TTPA: variants seen among roughly 807,000 people sequenced by gnomAD.
The protein encoded by TTPA is alpha-tocopherol transfer protein.
TTPA carries 23 observed loss-of-function variants against 25.9 expected under a neutral mutation model. The ratio of observed to expected loss-of-function variants is 0.89; its 90% CI spans 0.64 to 1.26. The LOEUF is 1.26. TTPA is among the 50% of genes most tolerant of loss of function. The pLI, the probability that TTPA is intolerant of heterozygous loss-of-function variation, is 0.00. For synonymous variants in TTPA, 148 were observed against 137.3 expected (o/e 1.08, Z -0.54); for missense variants, 337 against 353.1 (o/e 0.95, Z 0.37).
intron 1 of TTPA, among the ~76,000 whole-genome samples, chr8:63,079,011 G>A (rs184524317): frequency 6.2e-4 from 94 of 152,306 alleles, no homozygotes; most frequent in African/African-American, 2.1e-3. Context: ...CTACAAACCA[G>A]AAGAGAGTAG....
At chr8:63,067,444 A>C (rs1429029668) in intron 2 of TTPA, among the ~76,000 whole-genome samples, 3 of 149,410 alleles carry the variant, frequency 2.0e-5, no homozygotes, top group Non-Finnish European at 3.0e-5. Flanking sequence ...AAGTTCTCCA[A>C]AGCTGAAAAA....
intron 1 of TTPA, among the ~76,000 whole-genome samples, chr8:63,077,799 G>T (rs1215804903): frequency 6.6e-6 from 1 of 152,212 alleles, no homozygotes; most frequent in Non-Finnish European, 1.5e-5. Context: ...CAGTTCTGAA[G>T]AGCACAGTGG....
intron 1 of TTPA, 139 bp from the exon 2 acceptor site, chr8:63,073,227 G>T: frequency 1.4e-6 from 1 of 723,356 alleles, no homozygotes; most frequent in Non-Finnish European, 2.3e-6. Context: ...CTTTTCAGCT[G>T]TGAAAACTGA....
In TTPA at chr8:63,080,731, A is replaced by AT. The variant is rs201057814; in HGVS notation, c.204+5086_204+5087insA. Among the ~76,000 whole-genome samples the AT allele has an allele frequency of 5.2e-3, 733 of 141,412 alleles. 4 individuals carry two copies. The highest frequency in any genetic ancestry group is 0.019 in the African/African-American group (666 of 34,476). 92.8% of individuals were successfully genotyped at this position (141,412 alleles called of 152,430 possible). A position where few individuals can be genotyped will look rare whatever the true frequency, so the allele number is the denominator to read the frequency against. On this transcript the variant is annotated intron_variant, in intron 1 of 4. Coordinates refer to ENST00000260116, the MANE Select transcript of TTPA (RefSeq NM_000370.3). ...CGAGACTCCGTATCAAAAAAAAAAA[A>AT]AAAATAAATAATAATAATAATAAAG... is the stretch of plus-strand genomic sequence containing the variant.
chr8:63,069,082 G>C (rs921798747), intron 2 of TTPA, among the ~76,000 whole-genome samples: 1 of 152,022 alleles, frequency 6.6e-6, no homozygotes, highest in Non-Finnish European at 1.5e-5. Context: ...TTGAACTCGG[G>C]AGGCAGAGGT....
rs1315086860 is a variant in TTPA at position 63,060,965 on chromosome 8, A to C, written c.*287T>G. 3.3e-6 allele frequency: 1 copy of C among 302,726 alleles called. No individual in the cohort carries two copies. The highest frequency in any genetic ancestry group is 6.3e-6 in the Non-Finnish European group (1 of 158,140). 18.8% of individuals were successfully genotyped at this position (302,726 alleles called of 1,614,324 possible). On this transcript the variant is annotated 3_prime_UTR_variant, in exon 5 of 5. Transcript: ENST00000260116. Reference sequence around the variant, plus strand: ...GAAACATACAAAGATGCACATGAGCAGCTACTTTAGCAATAACTTTCATGT... The same window carrying C: ...GAAACATACAAAGATGCACATGAGCCGCTACTTTAGCAATAACTTTCATGT...
At chr8:63,079,023 G>T (rs986728653) in intron 1 of TTPA, among the ~76,000 whole-genome samples, 44 of 152,228 alleles carry the variant, frequency 2.9e-4, no homozygotes, top group African/African-American at 9.9e-4. Context: ...AGAGAGTAGG[G>T]GGCCAACATT....
chr8:63,072,482 C>A (rs899455184), intron 2 of TTPA, among the ~76,000 whole-genome samples: 2 of 152,186 alleles, frequency 1.3e-5, no homozygotes, highest in African/African-American at 4.8e-5. Flanking sequence ...AGGTTGGTCT[C>A]GAACTCCTGA....
chr8:63,080,519 A>G, intron 1 of TTPA, among the ~76,000 whole-genome samples: 1 of 152,078 alleles, frequency 6.6e-6, no homozygotes. Context: ...CGGGAGATCA[A>G]GACCATCCTA....
chr8:63,064,182 C>T (rs768100050), intron 4 of TTPA, 24 bp downstream of exon 4: 2 of 1,538,538 alleles, frequency 1.3e-6, no homozygotes, highest in Admixed American at 1.7e-5. Flanking sequence ...TAGAGGAACA[C>T]AGACTTGAAT....
chr8:63,075,195 T>C (rs908463620), intron 1 of TTPA, among the ~76,000 whole-genome samples: 3 of 152,200 alleles, frequency 2.0e-5, no homozygotes, highest in African/African-American at 4.8e-5. Context: ...ATATTCATCA[T>C]TGGAAGGTGT....
At chr8:63,073,836 G>T (rs1232277956) in intron 1 of TTPA, among the ~76,000 whole-genome samples, 1 of 152,158 alleles carries the variant, frequency 6.6e-6, no homozygotes, top group Non-Finnish European at 1.5e-5. Context: ...GAGCCCAGGA[G>T]CAGTATACTT....
At chr8:63,076,338 C>T (rs1019762379) in intron 1 of TTPA, among the ~76,000 whole-genome samples, 3 of 148,906 alleles carry the variant, frequency 2.0e-5, no homozygotes, top group Non-Finnish European at 4.4e-5. Flanking sequence ...GACTGAGGCA[C>T]TTATCAAGCT....
intron 2 of TTPA, among the ~76,000 whole-genome samples, chr8:63,069,772 A>G (rs1309816292): frequency 6.6e-6 from 1 of 151,930 alleles, no homozygotes; most frequent in Non-Finnish European, 1.5e-5. Flanking sequence ...TAGTTGCAGT[A>G]GTCACATTTC....
chr8:63,084,648 G>A (rs1050857889), intron 1 of TTPA, among the ~76,000 whole-genome samples: 1 of 152,158 alleles, frequency 6.6e-6, no homozygotes, highest in African/African-American at 2.4e-5. Flanking sequence ...TGTTTAAAAA[G>A]ATAAATGAGT....
At chr8:63,068,616 TGAA>T (rs1284909871) in intron 2 of TTPA, among the ~76,000 whole-genome samples, 1 of 152,020 alleles carries the variant, frequency 6.6e-6, no homozygotes, top group Non-Finnish European at 1.5e-5. Context: ...ATAGATGTAA[TGAA>T]GGAGGGAGAG....
Position 63,073,012 on chromosome 8 carries a change from C to A in TTPA, c.281G>T (p.Gly94Val), listed in dbSNP as rs768835088. 1.2e-6 allele frequency: 2 copies of A among 1,613,814 alleles called. No homozygotes were observed. Among genetic ancestry groups the A allele is most frequent in the Non-Finnish European group, 1.7e-6 (2 of 1,179,834 alleles). Residue 94 changes from glycine (G) to valine (V), a missense_variant, in exon 2 of 5, where the codon GGC becomes GTC. Physicochemically the swap from Gly to Val is moderately radical, Grantham distance 109. Coordinates refer to ENST00000260116, the MANE Select transcript of TTPA (RefSeq NM_000370.3). Reference protein sequence around the residue: ...SADLHPRSIIGLLKAGYHGVL... With the variant: ...SADLHPRSIIVLLKAGYHGVL... ...TCCATGGTAGCCAGCCTTTAGGAGG[C>A]CAATAATACTTCTAGGGTGTAGATC...
At chr8:63,070,363 G>T (rs760023114) in intron 2 of TTPA, among the ~76,000 whole-genome samples, 9 of 152,160 alleles carry the variant, frequency 5.9e-5, no homozygotes, top group Admixed American at 1.3e-4. Context: ...TGCTTTTACT[G>T]CACAGAGATG....
chr8:63,058,759 A>G (rs1335652971), downstream of TTPA, among the ~76,000 whole-genome samples: 1 of 152,112 alleles, frequency 6.6e-6, no homozygotes, highest in Non-Finnish European at 1.5e-5. Flanking sequence ...GTTATCCTTT[A>G]TTTGGGTACT....
Sources: allele counts gnomAD v4.1 joint callset (sites outside exome capture counted in the v4.1 genomes callset), GRCh38; gene constraint gnomAD v4.1.1; transcripts MANE v1.5; gene names NCBI Gene and HGNC (gene_info 2026-07-23, HGNC 2026-07-21).